ACTR5: variants seen among roughly 807,000 people sequenced by gnomAD.
ACTR5 encodes the protein actin related protein 5.
Under a neutral mutation model 61.2 loss-of-function variants are expected in ACTR5, and 43 were observed. That is an observed-to-expected ratio of 0.70 (90% CI 0.55 to 0.91). The LOEUF (loss-of-function observed/expected upper bound fraction) is 0.91, where lower values mean the gene tolerates loss of function less well. ACTR5 is among the 40% of genes least tolerant of loss of function. The pLI is 0.00. For synonymous variants in ACTR5, 333 were observed against 310.5 expected, an observed-to-expected ratio of 1.07 and a Z score of -0.76; for missense variants, 798 against 782.2, an observed-to-expected ratio of 1.02 and a Z score of -0.24.
rs1283102642 is a variant in ACTR5 at position 38,755,188 on chromosome 20, CAG to C, written c.993+15_993+16del. ...CTATATGTGCAGGTAATAGCAGACA[CAG>C]GGACGGGCGCCCTTCCGTGTTAACA... On this transcript the variant is annotated intron_variant, in intron 4 of 8. Coordinates refer to ENST00000243903, the MANE Select transcript of ACTR5 (RefSeq NM_024855.4). 11 of 1,575,138 alleles carry C rather than the reference CAG, an allele frequency of 7.0e-6. No individual in the cohort carries two copies. Among genetic ancestry groups the C allele is most frequent in the African/African-American group, 1.4e-5 (1 of 73,640 alleles).
rs1255335674 is a variant in ACTR5, at chr20:38,766,385, A to G, written c.1433+8A>G. On this transcript the variant is annotated splice_region_variant and intron_variant, in intron 7 of 8. Transcript: ENST00000243903. ...TCAGTACATTCTGGACAGGTGAGAC[A>G]GCGAATCTGCTTTTCCTTCTATCTT... 1 of 1,570,690 alleles carries G rather than the reference A, an allele frequency of 6.4e-7. No individual in the cohort carries two copies. Among genetic ancestry groups the G allele is most frequent in the Non-Finnish European group, 8.6e-7 (1 of 1,161,596 alleles).
chr20:38,752,573 A>T (rs1439466475), intron 3 of ACTR5, among the ~76,000 whole-genome samples: 1 of 152,108 alleles, frequency 6.6e-6, no homozygotes. Context: ...AGTGAGCAGA[A>T]CATATCAGAC....
chr20:38,754,733 T>A (rs577781924), intron 3 of ACTR5, among the ~76,000 whole-genome samples: 2 of 150,804 alleles, frequency 1.3e-5, no homozygotes, highest in African/African-American at 2.4e-5. Context: ...GGATCACAGG[T>A]GCCCGCCACC....
chr20:38,759,524 A>G (rs1220212771), intron 5 of ACTR5, among the ~76,000 whole-genome samples: 1 of 152,202 alleles, frequency 6.6e-6, no homozygotes, highest in Non-Finnish European at 1.5e-5. Context: ...CTAAGAAGTT[A>G]TCTTAAGATG....
intron 5 of ACTR5, among the ~76,000 whole-genome samples, chr20:38,764,175 A>G (rs1289595567): frequency 6.6e-6 from 1 of 152,164 alleles, no homozygotes. Flanking sequence ...TATGTTGGTG[A>G]TTTACATACT....
Position 38,765,419 on chromosome 20 carries a change from G to C in ACTR5, c.1194G>C (p.Gln398His). ...DSKPETPDLEQLEPSLEDVES... is the reference protein window; with the variant it reads ...DSKPETPDLEHLEPSLEDVES... The stretch of plus-strand genomic sequence containing the variant: ...TCTCTTAGACCCCTGACCTGGAGCA[G>C]CTGGAGCCGTCTTTGGAAGATGTGG... Residue 398 changes from glutamine (Q) to histidine (H), a missense_variant, in exon 6 of 9, where the codon CAG (glutamine) becomes CAC (histidine). Gln to His is a conservative substitution (Grantham distance 24). Coordinates refer to ENST00000243903, the MANE Select transcript of ACTR5 (RefSeq NM_024855.4). The C allele has an allele frequency of 1.2e-6, 2 of 1,614,178 alleles. No individual in the cohort carries two copies. The highest frequency in any genetic ancestry group is 1.7e-6 in the Non-Finnish European group (2 of 1,180,010).
chr20:38,753,278 T>G (rs946130258), intron 3 of ACTR5, among the ~76,000 whole-genome samples: 1 of 152,200 alleles, frequency 6.6e-6, no homozygotes, highest in Non-Finnish European at 1.5e-5. Context: ...GGGAATTTTT[T>G]GGGATGATGA....
rs78242838 is a variant in ACTR5, at chr20:38,771,036, C to T, written c.1567-523C>T. On this transcript the variant is annotated intron_variant, in intron 8 of 8. Transcript: ENST00000243903. Reference sequence around the variant, plus strand: ...CGAGGGCCTTCTCAGAGCTGCTGAACCCCAGCCCAACTCCAGTGAGAAGCA... The same window carrying T: ...CGAGGGCCTTCTCAGAGCTGCTGAATCCCAGCCCAACTCCAGTGAGAAGCA... Among the ~76,000 whole-genome samples the T allele has an allele frequency of 9.6e-3, 1,462 of 152,364 alleles. 11 individuals carry two copies. Among genetic ancestry groups the T allele is most frequent in the Non-Finnish European group, 0.015 (1,046 of 68,034 alleles).
chr20:38,768,785 G>A (rs1022675164), intron 8 of ACTR5, among the ~76,000 whole-genome samples: 7 of 152,174 alleles, frequency 4.6e-5, no homozygotes, highest in Non-Finnish European at 2.9e-5. Flanking sequence ...ACCCTTGTAA[G>A]TATGCCTTTC....
chr20:38,771,834 GAC>G lies in ACTR5; in HGVS notation c.*19_*20del. ...AGGCATAGCAGAGGCCCTCCAGAGA[GAC>G]TGCCCTGCACGCCATGCCTTGGGCC... On this transcript the variant is annotated 3_prime_UTR_variant, in exon 9 of 9. Coordinates refer to ENST00000243903, the MANE Select transcript of ACTR5 (RefSeq NM_024855.4). 1.2e-6 allele frequency: 2 copies of G among 1,603,566 alleles called. No individual in the cohort carries two copies. Among genetic ancestry groups the G allele is most frequent in the Non-Finnish European group, 1.7e-6 (2 of 1,176,982 alleles).
intron 5 of ACTR5, chr20:38,761,973 C>G (rs1305440969): frequency 6.6e-6 from 1 of 152,184 alleles, no homozygotes; most frequent in Non-Finnish European, 1.5e-5. Context: ...ACTCCTGCCC[C>G]CCTGGAGCAT....
chr20:38,767,641 C>CG, intron 8 of ACTR5, 45 bp downstream of exon 8: 3 of 1,555,408 alleles, frequency 1.9e-6, no homozygotes, highest in Non-Finnish European at 2.6e-6. Flanking sequence ...ATAGCATTAC[C>CG]TGTTTTCTGA....
rs1669838117 is a variant in ACTR5 at position 38,771,746 on chromosome 20, G to T, written c.1754G>T (p.Arg585Leu). The change falls in exon 9 of 9, where the codon CGC becomes CTC. Residue 585 changes from arginine (R) to leucine (L), a missense_variant. By Grantham distance (102) the Arg-to-Leu change is moderately radical. Coordinates refer to ENST00000243903, the MANE Select transcript of ACTR5 (RefSeq NM_024855.4). The stretch of plus-strand genomic sequence containing the variant: ...ATCCGCCTGCCGAAGCAGGCCTCCC[G>T]CTCCTCAGATGCCCAGGCATCCAGC... ...VPIRLPKQAS[R>L]SSDAQASSKG... is the part of the protein sequence containing the mutation. 2.5e-6 allele frequency: 4 copies of T among 1,614,060 alleles called. No individual in the cohort carries two copies. Among genetic ancestry groups the T allele is most frequent in the Non-Finnish European group, 3.4e-6 (4 of 1,180,002 alleles).
At chr20:38,762,801 G>T (rs2084462911) in intron 5 of ACTR5, among the ~76,000 whole-genome samples, 1 of 152,208 alleles carries the variant, frequency 6.6e-6, no homozygotes, top group South Asian at 2.1e-4. Flanking sequence ...AAAAATGTGG[G>T]ATGTAGAGAG....
chr20:38,752,146 C>T lies in ACTR5; in HGVS notation c.621C>T (p.Asn207=). The change falls in exon 3 of 9, where the codon AAC becomes AAT. Residue 207 remains asparagine (N), a synonymous_variant. Transcript: ENST00000243903. ...TTGGTTATAGATTAGATGCTAAAAA[C>T]TGCAAGCGCATCAATCTTGGAGGAA... ...PILEGRLDAK[N]CKRINLGGSQ... 1.2e-6 allele frequency: 2 copies of T among 1,613,570 alleles called. No homozygotes were observed. Among genetic ancestry groups the T allele is most frequent in the South Asian group, 1.1e-5 (1 of 91,066 alleles).
intron 3 of ACTR5, 74 bp downstream of exon 3, chr20:38,752,374 A>T: frequency 6.8e-7 from 1 of 1,470,150 alleles, no homozygotes; most frequent in Non-Finnish European, 9.1e-7. Flanking sequence ...TGCCAGCATG[A>T]TTCTTTGCTT....
chr20:38,754,157 T>G (rs1273553682), intron 3 of ACTR5, among the ~76,000 whole-genome samples: 1 of 152,250 alleles, frequency 6.6e-6, no homozygotes, highest in Non-Finnish European at 1.5e-5. Flanking sequence ...AAATAGGTTT[T>G]AAAGAACTCG....
In ACTR5 at chr20:38,766,406, A is replaced by G. The variant is rs780059262; in HGVS notation, c.1433+29A>G. ...AGACAGCGAATCTGCTTTTCCTTCT[A>G]TCTTCCTGAACCATTTCCTTGGATT... On this transcript the variant is annotated intron_variant, in intron 7 of 8. Coordinates refer to ENST00000243903, the MANE Select transcript of ACTR5 (RefSeq NM_024855.4). 7.7e-6 allele frequency: 12 copies of G among 1,556,828 alleles called. No homozygotes were observed. The East Asian group carries it at 9.1e-5, about 12-fold the overall frequency.
intron 4 of ACTR5, among the ~76,000 whole-genome samples, chr20:38,755,611 A>G (rs1474640833): frequency 6.6e-6 from 1 of 151,836 alleles, no homozygotes; most frequent in Non-Finnish European, 1.5e-5. Flanking sequence ...CAAAAAAAAA[A>G]AGGGTAACAA....
Sources: allele counts gnomAD v4.1 joint callset (sites outside exome capture counted in the v4.1 genomes callset), GRCh38; gene constraint gnomAD v4.1.1; transcripts MANE v1.5; gene names NCBI Gene and HGNC (gene_info 2026-07-23, HGNC 2026-07-21).